Variants in SLC9A9 observed in about 807,000 individuals in gnomAD.
SLC9A9 encodes the protein solute carrier family 9 member A9, also known as sodium/hydrogen exchanger 9.
A neutral mutation model predicts 77.8 loss-of-function variants in SLC9A9; 62 were observed. That is an observed-to-expected ratio of 0.80 (90% CI 0.65 to 0.98). The LOEUF (loss-of-function observed/expected upper bound fraction) is 0.98, where lower values mean the gene tolerates loss of function less well. Among genes scored for constraint, SLC9A9 ranks in the 50% least tolerant of loss-of-function variants. The pLI is 0.00. For missense variants in SLC9A9, 775 were observed against 774.9 expected, an observed-to-expected ratio of 1.00 and a Z score of 0.00; for synonymous variants, 320 against 283.5, an observed-to-expected ratio of 1.13 and a Z score of -1.29.
chr3:143,430,339 A>G (rs914291369), intron 12 of SLC9A9, among the ~76,000 whole-genome samples: 3 of 152,188 alleles, frequency 2.0e-5, no homozygotes, highest in African/African-American at 7.2e-5. Context: ...GGAGGATAGA[A>G]ACCTCTTTTG....
At chr3:143,635,509 G>T (rs779921753) in intron 6 of SLC9A9, among the ~76,000 whole-genome samples, 2 of 152,136 alleles carry the variant, frequency 1.3e-5, no homozygotes, top group African/African-American at 4.8e-5. Context: ...GTAGTTTATG[G>T]CATTCAAATT....
intron 8 of SLC9A9, among the ~76,000 whole-genome samples, chr3:143,557,636 C>T (rs2037009789): frequency 6.6e-6 from 1 of 152,120 alleles, no homozygotes; most frequent in Admixed American, 6.5e-5. Context: ...TGAGTGGTCT[C>T]AGATGAGGAA....
At chr3:143,671,801 T>C (rs2039158936) in intron 5 of SLC9A9, among the ~76,000 whole-genome samples, 1 of 152,226 alleles carries the variant, frequency 6.6e-6, no homozygotes, top group Admixed American at 6.5e-5. Flanking sequence ...GTCTGTGCTC[T>C]CTAGAAGCCT....
At chr3:143,761,735 T>C (rs2007129186) in intron 4 of SLC9A9, among the ~76,000 whole-genome samples, 1 of 152,202 alleles carries the variant, frequency 6.6e-6, no homozygotes, top group African/African-American at 2.4e-5. Flanking sequence ...ACTTTTACAC[T>C]GTTGGTGGGA....
At chr3:143,586,851 G>A (rs2037549188) in intron 6 of SLC9A9, among the ~76,000 whole-genome samples, 1 of 152,158 alleles carries the variant, frequency 6.6e-6, no homozygotes, top group African/African-American at 2.4e-5. Context: ...TTAATAATAA[G>A]AGGTCCTGGC....
At chr3:143,830,475 G>A (rs1198945188) in intron 2 of SLC9A9, among the ~76,000 whole-genome samples, 1 of 152,150 alleles carries the variant, frequency 6.6e-6, no homozygotes, top group Non-Finnish European at 1.5e-5. Context: ...TGCTGATGAA[G>A]GAATAAATAT....
chr3:143,652,246 G>T lies in SLC9A9; in HGVS notation c.755+9C>A. 6.3e-7 allele frequency: 1 copy of T among 1,597,332 alleles called. No individual in the cohort carries two copies. The highest frequency in any genetic ancestry group is 1.1e-5 in the South Asian group (1 of 90,124). On this transcript the variant is annotated intron_variant, in intron 6 of 15. Transcript: ENST00000316549. ...ATTAAAGAAACATAGGCCAAGTTCT[G>T]GTACTTACTATGTAAGGACTATGGC...
intron 6 of SLC9A9, among the ~76,000 whole-genome samples, chr3:143,589,049 A>C (rs894982742): frequency 1.3e-5 from 2 of 152,224 alleles, no homozygotes; most frequent in Non-Finnish European, 2.9e-5. Flanking sequence ...ATATAATCAT[A>C]AACAGGTGCA....
intron 14 of SLC9A9, among the ~76,000 whole-genome samples, chr3:143,279,159 C>T (rs888016160): frequency 1.4e-5 from 2 of 146,240 alleles, no homozygotes; most frequent in Non-Finnish European, 3.0e-5. Flanking sequence ...TCATAACATT[C>T]TTCTTCTGGC....
chr3:143,347,476 T>C (rs1187113836), intron 14 of SLC9A9, among the ~76,000 whole-genome samples: 1 of 152,088 alleles, frequency 6.6e-6, no homozygotes, highest in African/African-American at 2.4e-5. Flanking sequence ...CATAAGAAAA[T>C]GCAGGCATTT....
chr3:143,382,648 C>A (rs1371521747), intron 12 of SLC9A9, among the ~76,000 whole-genome samples: 2 of 152,024 alleles, frequency 1.3e-5, no homozygotes, highest in African/African-American at 4.8e-5. Flanking sequence ...AATATAAACA[C>A]AAAATTGGGA....
intron 12 of SLC9A9, among the ~76,000 whole-genome samples, chr3:143,385,782 A>G (rs1306838035): frequency 6.6e-6 from 1 of 152,172 alleles, no homozygotes; most frequent in Non-Finnish European, 1.5e-5. Flanking sequence ...GTGACATCCA[A>G]GGGTCTTTAG....
intron 5 of SLC9A9, among the ~76,000 whole-genome samples, chr3:143,673,614 TATTA>T (rs2039192414): frequency 1.3e-5 from 2 of 151,922 alleles, no homozygotes; most frequent in Admixed American, 1.3e-4. Flanking sequence ...AGACCATACT[TATTA>T]ATTATATTGT....
intron 4 of SLC9A9, among the ~76,000 whole-genome samples, chr3:143,753,728 C>T (rs570025150): frequency 1.3e-5 from 2 of 152,288 alleles, no homozygotes; most frequent in Non-Finnish European, 1.5e-5. Context: ...GAGCTTTAAG[C>T]TGTGGCCAGC....
intron 1 of SLC9A9, among the ~76,000 whole-genome samples, chr3:143,836,665 A>G (rs938640048): frequency 1.3e-5 from 2 of 152,176 alleles, no homozygotes; most frequent in African/African-American, 4.8e-5. Flanking sequence ...ACCAAGGAAC[A>G]TTAGAAAGAT....
At chr3:143,310,840 A>G (rs796926623) in intron 14 of SLC9A9, among the ~76,000 whole-genome samples, 20 of 152,358 alleles carry the variant, frequency 1.3e-4, no homozygotes, top group African/African-American at 4.8e-4. Context: ...TTTTGTGAAC[A>G]GAGAATCAGA....
intron 11 of SLC9A9, among the ~76,000 whole-genome samples, chr3:143,477,347 T>TTTTTTTTC (rs1553758984): frequency 7.8e-5 from 8 of 103,044 alleles, no homozygotes; most frequent in Non-Finnish European, 1.1e-4. Context: ...TTTTTTTTTT[T>TTTTTTTTC]CCCCCTCCCC....
intron 9 of SLC9A9, among the ~76,000 whole-genome samples, chr3:143,528,253 T>C (rs2036440567): frequency 6.6e-6 from 1 of 152,228 alleles, no homozygotes; most frequent in Admixed American, 6.5e-5. Flanking sequence ...TGCCTCCTTT[T>C]AGCGGCCAGC....
chr3:143,827,692 A>G (rs961177590), intron 2 of SLC9A9, among the ~76,000 whole-genome samples: 25 of 152,252 alleles, frequency 1.6e-4, no homozygotes, highest in African/African-American at 5.5e-4. Context: ...GCCATTACAT[A>G]GCACAAGAAT....
Sources: gnomAD v4.1 joint callset for allele counts (sites outside exome capture counted in the v4.1 genomes callset) on GRCh38, gnomAD v4.1.1 for gene constraint, MANE v1.5 for transcripts, NCBI Gene and HGNC (gene_info 2026-07-23, HGNC 2026-07-21) for gene names.